The following ROBO2 variants were observed in gnomAD, a reference collection of about 807,000 sequenced individuals.
ROBO2 encodes roundabout guidance receptor 2.
A neutral mutation model predicts 160.8 loss-of-function variants in ROBO2; 53 were observed. The ratio of observed to expected loss-of-function variants is 0.33; its 90% CI spans 0.26 to 0.41. The LOEUF (loss-of-function observed/expected upper bound fraction) is 0.41. Ranked by LOEUF, ROBO2 falls within the 10% of genes least tolerant of loss-of-function variation. ROBO2 has a pLI of 1.00. For missense variants in ROBO2, 1,577 were observed against 1,722.4 expected, an observed-to-expected ratio of 0.92 and a Z score of 1.49; for synonymous variants, 664 against 611.7, an observed-to-expected ratio of 1.09 and a Z score of -1.26.
At chr3:76,235,757 G>C (rs1231100598) in intron 2 of ROBO2, among the ~76,000 whole-genome samples, 1 of 152,160 alleles carries the variant, frequency 6.6e-6, no homozygotes, top group Non-Finnish European at 1.5e-5. Flanking sequence ...TGGATTGTTG[G>C]TATTTGTAAC....
chr3:77,566,135 C>T (rs1179124505), intron 12 of ROBO2, among the ~76,000 whole-genome samples: 2 of 151,928 alleles, frequency 1.3e-5, no homozygotes, highest in South Asian at 2.1e-4. Context: ...CAATGTAGTT[C>T]GGTGATAGTA....
chr3:77,087,369 T>C lies in ROBO2; in HGVS notation c.62-10645T>C, dbSNP rs552471143. ...ATAAATATGATAATAACAAGCCAGA[T>C]TTTAAAGCTGTCTTCCTGGAATAGG... On this transcript the variant is annotated intron_variant, in intron 1 of 25. Coordinates refer to ENST00000461745, the Ensembl canonical transcript of ROBO2. 1.7e-4 allele frequency among the ~76,000 whole-genome samples: 26 copies of C among 152,272 alleles called. No homozygotes were observed. In the Middle Eastern group the frequency reaches 0.01, roughly 60 times the overall value.
At chr3:77,493,733 A>G (rs1285755168) in intron 5 of ROBO2, among the ~76,000 whole-genome samples, 1 of 151,974 alleles carries the variant, frequency 6.6e-6, no homozygotes, top group Non-Finnish European at 1.5e-5. Context: ...GCCCGTTCCC[A>G]TGCTTCATCC....
intron 2 of ROBO2, among the ~76,000 whole-genome samples, chr3:76,437,832 A>C (rs1307611919): frequency 1.3e-5 from 2 of 152,128 alleles, no homozygotes; most frequent in African/African-American, 2.4e-5. Context: ...TGTCATTAGC[A>C]GTTGTTTAAT....
intron 6 of ROBO2, among the ~76,000 whole-genome samples, chr3:77,545,297 G>C (rs553658725): frequency 6.6e-6 from 1 of 152,040 alleles, no homozygotes; most frequent in Non-Finnish European, 1.5e-5. Flanking sequence ...ATTACACACT[G>C]TATCCTAAGC....
intron 1 of ROBO2, among the ~76,000 whole-genome samples, chr3:77,081,496 T>C (rs2068654935): frequency 6.6e-6 from 1 of 152,146 alleles, no homozygotes; most frequent in Non-Finnish European, 1.5e-5. Context: ...CGTGATGAGC[T>C]GGGCAAAAAT....
At chr3:77,289,864 AG>A (rs1158326799) in intron 2 of ROBO2, among the ~76,000 whole-genome samples, 1 of 151,404 alleles carries the variant, frequency 6.6e-6, no homozygotes, top group East Asian at 2.0e-4. Context: ...AAAGACATAA[AG>A]TAAAATTAAT....
intron 2 of ROBO2, among the ~76,000 whole-genome samples, chr3:77,174,138 G>A (rs533861376): frequency 1.5e-4 from 23 of 152,060 alleles, no homozygotes; most frequent in Non-Finnish European, 3.1e-4. Flanking sequence ...AGGTTGTGCA[G>A]ATGAGGTATC....
At chr3:76,890,187 A>G (rs1333496359) in intron 2 of ROBO2, among the ~76,000 whole-genome samples, 3 of 152,070 alleles carry the variant, frequency 2.0e-5, no homozygotes, top group African/African-American at 7.2e-5. Flanking sequence ...AGCTATTACC[A>G]AGTGCCAGGC....
At chr3:76,046,341 A>G (rs556417946) in intron 2 of ROBO2, among the ~76,000 whole-genome samples, 1 of 152,094 alleles carries the variant, frequency 6.6e-6, no homozygotes, top group Non-Finnish European at 1.5e-5. Context: ...TTCAAGATGA[A>G]GTGAGACCAT....
At chr3:76,186,480 A>G (rs1465518545) in intron 2 of ROBO2, among the ~76,000 whole-genome samples, 1 of 151,062 alleles carries the variant, frequency 6.6e-6, no homozygotes, top group Admixed American at 6.6e-5. Context: ...AACTCACCAA[A>G]ATGTCTTCCT....
At chr3:77,382,892 G>T (rs2073691448) in intron 2 of ROBO2, among the ~76,000 whole-genome samples, 1 of 152,114 alleles carries the variant, frequency 6.6e-6, no homozygotes, top group South Asian at 2.1e-4. Flanking sequence ...GTGTGCAGGT[G>T]TCAAAAAAGA....
chr3:77,002,185 T>A, intron 2 of ROBO2, among the ~76,000 whole-genome samples: 1 of 152,170 alleles, frequency 6.6e-6, no homozygotes, highest in African/African-American at 2.4e-5. Context: ...CTAGATTATC[T>A]CTTTCATGTT....
chr3:77,309,553 C>A (rs2153421021), intron 2 of ROBO2, among the ~76,000 whole-genome samples: 1 of 152,266 alleles, frequency 6.6e-6, no homozygotes, highest in Non-Finnish European at 1.5e-5. Flanking sequence ...TTAGGGTTGC[C>A]AAGTTTAGTA....
intron 2 of ROBO2, among the ~76,000 whole-genome samples, chr3:76,490,165 C>T (rs972745838): frequency 1.1e-4 from 17 of 151,994 alleles, no homozygotes; most frequent in South Asian, 6.2e-4. Flanking sequence ...CTTTTTATGA[C>T]GAAAGAAATT....
At chr3:76,108,138 A>T (rs553137662) in intron 2 of ROBO2, among the ~76,000 whole-genome samples, 4 of 152,224 alleles carry the variant, frequency 2.6e-5, no homozygotes, top group Admixed American at 1.3e-4. Context: ...ACTTTGTAAC[A>T]GCCTACTGCC....
Position 77,008,547 on chromosome 3 carries a change from G to T in ROBO2, c.110-89467G>T, listed in dbSNP as rs73841800. Among the ~76,000 whole-genome samples, 956 of 152,246 alleles carry T rather than the reference G, an allele frequency of 6.3e-3. 9 individuals are homozygous for T. The highest frequency in any genetic ancestry group is 0.022 in the African/African-American group (913 of 41,560). The stretch of plus-strand genomic sequence containing the variant: ...CTCCAGGTTTGTTTCCTTTGTGGGT[G>T]GGGAATAGTAATCTTATTGCTTGAG... On this transcript the variant is annotated intron_variant, in intron 2 of 26. Transcript: ENST00000487694.
intron 2 of ROBO2, among the ~76,000 whole-genome samples, chr3:76,606,806 G>A (rs1032030334): frequency 6.6e-6 from 1 of 152,004 alleles, no homozygotes; most frequent in Non-Finnish European, 1.5e-5. Context: ...CTACTTTGAG[G>A]AGAGGTCCCA....
intron 2 of ROBO2, among the ~76,000 whole-genome samples, chr3:77,429,455 A>T (rs1303275106): frequency 6.6e-6 from 1 of 152,026 alleles, no homozygotes; most frequent in Admixed American, 6.6e-5. Context: ...TTCTTCCTTT[A>T]TGCAATCAAC....
Sources: allele counts gnomAD v4.1 joint callset (sites outside exome capture counted in the v4.1 genomes callset), GRCh38; gene constraint gnomAD v4.1.1; transcripts MANE v1.5; gene names NCBI Gene and HGNC (gene_info 2026-07-23, HGNC 2026-07-21).